The following DENND4A variants were observed in gnomAD, a reference collection of about 807,000 sequenced individuals.
DENND4A encodes DENN domain containing 4A.
A neutral mutation model predicts 199.3 loss-of-function variants in DENND4A; 70 were observed. The observed-to-expected ratio is 0.35, with a 90% CI of 0.29 to 0.43. The LOEUF is 0.43. Among genes scored for constraint, DENND4A ranks in the 20% least tolerant of loss-of-function variants. The pLI is 1.00. For missense variants in DENND4A, 1,723 were observed against 2,255.8 expected, an observed-to-expected ratio of 0.76 and a Z score of 4.78; for synonymous variants, 686 against 766.9, an observed-to-expected ratio of 0.89 and a Z score of 1.74.
chr15:65,756,543 T>A (rs1357509892), intron 2 of DENND4A, 71 bp from the exon 3 acceptor site: 5 of 1,184,734 alleles, frequency 4.2e-6, no homozygotes, highest in Non-Finnish European at 5.8e-6. Flanking sequence ...TGTGTGCAAA[T>A]AAGAACAAAA....
chr15:65,760,678 C>T (rs1378461538), intron 2 of DENND4A, among the ~76,000 whole-genome samples: 5 of 152,024 alleles, frequency 3.3e-5, no homozygotes, highest in African/African-American at 1.2e-4. Flanking sequence ...CACTTGAGGT[C>T]AGGAGTTCAA....
chr15:65,766,686 G>C (rs1404652275), intron 1 of DENND4A: 1 of 152,088 alleles, frequency 6.6e-6, no homozygotes, highest in South Asian at 2.1e-4. Context: ...GACATATATA[G>C]GCACACAAAA....
At chr15:65,686,109 T>G (rs2076770593) in intron 23 of DENND4A, among the ~76,000 whole-genome samples, 1 of 152,308 alleles carries the variant, frequency 6.6e-6, no homozygotes, top group East Asian at 1.9e-4. Context: ...TAGATGCCAA[T>G]GTAGGGAGGG....
In DENND4A at chr15:65,701,156, TACG is replaced by T; in HGVS notation, c.2593_2595del (p.Arg865del). 1.2e-6 allele frequency: 2 copies of T among 1,608,436 alleles called. No individual in the cohort carries two copies. The highest frequency in any genetic ancestry group is 1.7e-6 in the Non-Finnish European group (2 of 1,177,972). On this transcript the variant is annotated inframe_deletion, in exon 19 of 33. Coordinates refer to ENST00000443035, the MANE Select transcript of DENND4A (RefSeq NM_001320835.1). ...ACTTTTGTCCAAAGAAAATAGCCAC[TACG>T]ACTTCTTGAAGGCCAGGTACTTTCC...
chr15:65,745,311 AAAT>A (rs2076359724), intron 4 of DENND4A, among the ~76,000 whole-genome samples: 2 of 152,198 alleles, frequency 1.3e-5, no homozygotes, highest in Non-Finnish European at 2.9e-5. Context: ...AATACACATA[AAAT>A]AATATGTCTG....
chr15:65,697,305 T>C lies in DENND4A; in HGVS notation c.2912A>G (p.Gln971Arg), dbSNP rs766470669. Residue 971 changes from glutamine (Q) to arginine (R), a missense_variant, in exon 21 of 33, where the codon CAA becomes CGA. By Grantham distance (43) the Gln-to-Arg change is conservative (BLOSUM62 1). Around this residue, in one of 6 missense-constraint regions of DENND4A, gnomAD observed 650 missense variants for 738.1 expected, o/e 0.88. Coordinates refer to ENST00000443035, the MANE Select transcript of DENND4A (RefSeq NM_001320835.1). Reference protein sequence around the residue: ...RRGDTSTEDIQEEKDKKGSDC... With the variant: ...RRGDTSTEDIREEKDKKGSDC... ...ACTCCCTTTTTTATCTTTTTCTTCT[T>C]GAATGTCTTCAGTAGATGTATCCCC... 4 of 1,605,442 alleles carry C rather than the reference T, an allele frequency of 2.5e-6. No individual in the cohort carries two copies. Among genetic ancestry groups the C allele is most frequent in the Non-Finnish European group, 3.4e-6 (4 of 1,174,568 alleles).
At chr15:65,751,285 A>G (rs1159534505) in intron 4 of DENND4A, among the ~76,000 whole-genome samples, 3 of 152,214 alleles carry the variant, frequency 2.0e-5, no homozygotes, top group Non-Finnish European at 2.9e-5. Context: ...ATAAAGGTTA[A>G]GTTTACTCCA....
intron 6 of DENND4A, among the ~76,000 whole-genome samples, chr15:65,738,306 T>C (rs2076167344): frequency 1.3e-5 from 2 of 152,164 alleles, no homozygotes; most frequent in African/African-American, 4.8e-5. Flanking sequence ...GGCAATTCAT[T>C]GAATTTCTCG....
intron 14 of DENND4A, 96 bp downstream of exon 14, chr15:65,715,381 CA>C (rs2075367553): frequency 8.4e-7 from 1 of 1,187,566 alleles, no homozygotes; most frequent in South Asian, 2.0e-5. Context: ...AAATTAATTT[CA>C]ATTTCATTAA....
chr15:65,735,968 G>A (rs1403437686), intron 7 of DENND4A, among the ~76,000 whole-genome samples: 1 of 152,170 alleles, frequency 6.6e-6, no homozygotes, highest in Non-Finnish European at 1.5e-5. Flanking sequence ...GCACACGCCT[G>A]TAATCCCAGC....
chr15:65,771,713 T>A lies in DENND4A; in HGVS notation c.-101-10275A>T, dbSNP rs113342998. On this transcript the variant is annotated intron_variant, in intron 1 of 32. Transcript: ENST00000443035. ...ACCCCCAAAAAATATATTAAACAAGTCTTCTGGAGTTATATCAACTTCACA... is the reference window on the plus strand; with the variant it reads ...ACCCCCAAAAAATATATTAAACAAGACTTCTGGAGTTATATCAACTTCACA... The A allele has an allele frequency of 2.6e-3, 4,262 of 1,610,136 alleles. 99 individuals carry two copies. The African/African-American group carries it at 0.05, about 19-fold the overall frequency.
chr15:65,775,337 C>A (rs545609898), intron 1 of DENND4A, among the ~76,000 whole-genome samples: 1 of 148,924 alleles, frequency 6.7e-6, no homozygotes, highest in African/African-American at 2.5e-5. Context: ...CAGAGCCACA[C>A]CCTGCCTCAA....
rs375471173 is a variant in DENND4A, at chr15:65,778,893, C to CAA, written c.-102+13115_-102+13116dup. ...CGGGTGACACAACGAGACTCCGCAT[C>CAA]AAAAAAAAAAAAAAAAAGGCTATGT... On this transcript the variant is annotated intron_variant, in intron 1 of 32. Coordinates refer to ENST00000443035, the MANE Select transcript of DENND4A (RefSeq NM_001320835.1). Among the ~76,000 whole-genome samples, 488 of 107,340 alleles carry CAA rather than the reference C, an allele frequency of 4.5e-3. 7 individuals are homozygous for CAA. The highest frequency in any genetic ancestry group is 0.013 in the African/African-American group (384 of 30,212). The allele number at this position is 107,340 out of a possible 152,430, so 70.4% of individuals were successfully genotyped here. A position where few individuals can be genotyped will look rare whatever the true frequency, so the allele number is the denominator to read the frequency against.
intron 1 of DENND4A, among the ~76,000 whole-genome samples, chr15:65,777,798 G>C (rs1051361066): frequency 6.6e-6 from 1 of 152,212 alleles, no homozygotes; most frequent in Admixed American, 6.5e-5. Flanking sequence ...CACTGTGGGA[G>C]GCCAAAGTGG....
Position 65,697,252 on chromosome 15 carries a change from T to A in DENND4A, c.2950+15A>T, listed in dbSNP as rs2077179113. ...GTTCTCAATTTTATACAATATCAACTTAAACAATACCTACAGGAACTACAA... is the reference window on the plus strand; with the variant it reads ...GTTCTCAATTTTATACAATATCAACATAAACAATACCTACAGGAACTACAA... On this transcript the variant is annotated intron_variant, in intron 21 of 32. Coordinates refer to ENST00000443035, the MANE Select transcript of DENND4A (RefSeq NM_001320835.1). 1 of 1,457,972 alleles carries A rather than the reference T, an allele frequency of 6.9e-7. No individual in the cohort carries two copies. The highest frequency in any genetic ancestry group is 9.5e-7 in the Non-Finnish European group (1 of 1,057,670). 90.3% of individuals were successfully genotyped at this position (1,457,972 alleles called of 1,614,324 possible). A position where few individuals can be genotyped will look rare whatever the true frequency, so the allele number is the denominator to read the frequency against.
chr15:65,719,295 G>A (rs190194581), intron 12 of DENND4A: 33 of 150,726 alleles, frequency 2.2e-4, no homozygotes, highest in Admixed American at 1.8e-3. Context: ...CAAACTGAGT[G>A]CAGGGCAAAT....
At chr15:65,701,321 A>G (rs1256117232) in intron 18 of DENND4A, 129 bp from the exon 19 acceptor site, 2 of 760,920 alleles carry the variant, frequency 2.6e-6, no homozygotes, top group East Asian at 6.4e-5. Flanking sequence ...AATCCCAGCA[A>G]TTTGGGAGGC....
At chr15:65,707,700 T>G (rs1393935363) in intron 14 of DENND4A, among the ~76,000 whole-genome samples, 1 of 151,992 alleles carries the variant, frequency 6.6e-6, no homozygotes, top group East Asian at 1.9e-4. Context: ...TTTTTTTTTT[T>G]TTTTGAGACA....
intron 2 of DENND4A, among the ~76,000 whole-genome samples, chr15:65,759,465 G>A (rs989716809): frequency 2.0e-5 from 3 of 151,974 alleles, no homozygotes; most frequent in Non-Finnish European, 4.4e-5. Context: ...GCGACCGAGC[G>A]AGACTCCATC....
Sources: gnomAD v4.1 joint callset for allele counts (sites outside exome capture counted in the v4.1 genomes callset) on GRCh38, gnomAD v4.1.1 for gene constraint, gnomAD v4.1.1 regional missense constraint, MANE v1.5 for transcripts, NCBI Gene and HGNC (gene_info 2026-07-23, HGNC 2026-07-21) for gene names.